SNX29: variants seen among roughly 807,000 people sequenced by gnomAD.
The protein encoded by SNX29 is sorting nexin 29.
A neutral mutation model predicts 102.1 loss-of-function variants in SNX29; 78 were observed. That is an observed-to-expected ratio of 0.76 (90% CI 0.64 to 0.92). The LOEUF is 0.92. Ranked by LOEUF, SNX29 falls within the 40% of genes least tolerant of loss-of-function variation. The pLI is 0.00. For synonymous variants in SNX29, 580 were observed against 414.5 expected (o/e 1.40, Z -4.85); for missense variants, 1,280 against 1,061.7 (o/e 1.21, Z -2.86).
intron 15 of SNX29, among the ~76,000 whole-genome samples, chr16:12,331,432 A>G (rs936062496): frequency 6.6e-6 from 1 of 152,178 alleles, no homozygotes; most frequent in African/African-American, 2.4e-5. Flanking sequence ...TAGCGTACGT[A>G]TAGGTGCTGA....
intron 12 of SNX29, 72 bp downstream of exon 12, chr16:12,126,768 A>G: frequency 6.4e-7 from 1 of 1,552,478 alleles, no homozygotes; most frequent in Non-Finnish European, 8.8e-7. Flanking sequence ...ACAGAATATA[A>G]CAGATGAGGG....
chr16:12,120,614 C>T (rs759947573), intron 11 of SNX29, among the ~76,000 whole-genome samples: 2 of 152,152 alleles, frequency 1.3e-5, no homozygotes, highest in South Asian at 4.1e-4. Flanking sequence ...ATATAGCAGC[C>T]TCCGAGGCCG....
intron 20 of SNX29, among the ~76,000 whole-genome samples, chr16:12,547,911 T>C (rs1223021058): frequency 1.3e-5 from 2 of 152,126 alleles, no homozygotes; most frequent in African/African-American, 4.8e-5. Flanking sequence ...GAGCTGCTCT[T>C]AGGGGTTCAG....
chr16:12,115,434 C>T (rs1402503660), intron 11 of SNX29, among the ~76,000 whole-genome samples: 2 of 151,420 alleles, frequency 1.3e-5, no homozygotes, highest in Non-Finnish European at 2.9e-5. Flanking sequence ...GGAGTTTTTG[C>T]TGCCTCTACT....
chr16:12,381,933 G>T (rs114801943), intron 16 of SNX29, among the ~76,000 whole-genome samples: 1 of 149,750 alleles, frequency 6.7e-6, no homozygotes, highest in African/African-American at 2.5e-5. Flanking sequence ...CCACACATCC[G>T]GCATTTCTAA....
intron 15 of SNX29, among the ~76,000 whole-genome samples, chr16:12,347,051 C>T (rs562068317): frequency 1.3e-5 from 2 of 152,316 alleles, no homozygotes; most frequent in East Asian, 3.9e-4. Context: ...CCTCTTTAAA[C>T]TGTAATCCCA....
At chr16:12,445,313 C>A (rs573457798) in intron 18 of SNX29, among the ~76,000 whole-genome samples, 2 of 152,358 alleles carry the variant, frequency 1.3e-5, no homozygotes, top group African/African-American at 4.8e-5. Context: ...ATCTGGCTGG[C>A]TGCAGAAGAC....
At chr16:12,539,817 C>G (rs186952183) in intron 20 of SNX29, among the ~76,000 whole-genome samples, 1 of 151,954 alleles carries the variant, frequency 6.6e-6, no homozygotes, top group Non-Finnish European at 1.5e-5. Flanking sequence ...GGATGTTTTC[C>G]TTTAACACAT....
At chr16:12,549,697 G>C (rs4644851) in intron 20 of SNX29, among the ~76,000 whole-genome samples, 14,899 of 152,256 alleles carry the variant, frequency 0.098, 1,270 homozygotes, top group East Asian at 0.2. Context: ...TGTCGCAGAT[G>C]CTGCTTGGGG....
At chr16:12,132,492 C>G (rs2054505357) in intron 13 of SNX29, among the ~76,000 whole-genome samples, 1 of 152,292 alleles carries the variant, frequency 6.6e-6, no homozygotes, top group Admixed American at 6.5e-5. Flanking sequence ...GTGAATTGCT[C>G]AACTTCTGCA....
At chr16:12,540,165 A>T (rs1040899735) in intron 20 of SNX29, among the ~76,000 whole-genome samples, 1 of 152,056 alleles carries the variant, frequency 6.6e-6, no homozygotes, top group African/African-American at 2.4e-5. Context: ...TAGATCTGCG[A>T]TTCATTTTGA....
intron 19 of SNX29, among the ~76,000 whole-genome samples, chr16:12,499,877 A>G (rs117484117): frequency 0.015 from 2,322 of 152,054 alleles, 20 homozygotes; most frequent in Middle Eastern, 0.034. Context: ...GGGCTTTGCT[A>G]TGTTGCCCAG....
intron 1 of SNX29, among the ~76,000 whole-genome samples, chr16:11,987,942 C>T (rs2055695250): frequency 6.6e-6 from 1 of 152,158 alleles, no homozygotes; most frequent in Admixed American, 6.6e-5. Context: ...TAGATTGTTA[C>T]CAGTGGTGTG....
chr16:12,272,632 A>G (rs1342440266), intron 14 of SNX29, among the ~76,000 whole-genome samples: 2 of 152,202 alleles, frequency 1.3e-5, no homozygotes, highest in Non-Finnish European at 2.9e-5. Flanking sequence ...CATAGTTTAC[A>G]CATAATTTTG....
Position 12,572,845 on chromosome 16 carries a change from C to G in SNX29, c.*4216C>G. 1.5e-5 allele frequency: 16 copies of G among 1,063,916 alleles called. No homozygotes were observed. The highest frequency in any genetic ancestry group is 1.7e-5 in the Non-Finnish European group (15 of 878,348). 65.9% of individuals were successfully genotyped at this position (1,063,916 alleles called of 1,614,324 possible). ...ATCCCAGAAGGGGCAGCCTCATGCC[C>G]AGGTTTCAGCCCTAAAGGTAATGAT... On this transcript the variant is annotated 3_prime_UTR_variant, in exon 21 of 21. Coordinates refer to ENST00000566228, the MANE Select transcript of SNX29 (RefSeq NM_032167.5).
intron 20 of SNX29, among the ~76,000 whole-genome samples, chr16:12,550,581 C>T (rs570379584): frequency 4.6e-4 from 70 of 151,594 alleles, no homozygotes; most frequent in African/African-American, 7.5e-4. Flanking sequence ...ATACTTCCAC[C>T]GGTGCATACA....
intron 11 of SNX29, among the ~76,000 whole-genome samples, chr16:12,109,609 A>G (rs1012659889): frequency 6.6e-6 from 1 of 152,118 alleles, no homozygotes; most frequent in Non-Finnish European, 1.5e-5. Context: ...TCATGCATGC[A>G]CCACGAAGCT....
intron 3 of SNX29, among the ~76,000 whole-genome samples, chr16:12,004,203 C>T (rs931615046): frequency 1.1e-4 from 17 of 150,988 alleles, no homozygotes; most frequent in East Asian, 5.9e-4. Context: ...TAGCCAGGCA[C>T]GGTGGCGGGT....
chr16:12,351,000 C>G (rs1225625507), intron 15 of SNX29, among the ~76,000 whole-genome samples: 3 of 152,170 alleles, frequency 2.0e-5, no homozygotes, highest in Non-Finnish European at 4.4e-5. Context: ...CTACCATATC[C>G]CAAGAGGGAG....
Sources: gnomAD v4.1 joint callset for allele counts (sites outside exome capture counted in the v4.1 genomes callset) on GRCh38, gnomAD v4.1.1 for gene constraint, MANE v1.5 for transcripts, NCBI Gene and HGNC (gene_info 2026-07-23, HGNC 2026-07-21) for gene names.